STK24: variants seen among roughly 807,000 people sequenced by gnomAD.
STK24 encodes the protein serine/threonine kinase 24.
STK24 carries 21 observed loss-of-function variants against 55.6 expected under a neutral mutation model. That is an observed-to-expected ratio of 0.38 (90% CI 0.27 to 0.54). The LOEUF (loss-of-function observed/expected upper bound fraction) is 0.54, where lower values mean the gene tolerates loss of function less well. Ranked by LOEUF, STK24 falls within the 20% of genes least tolerant of loss-of-function variation. STK24 has a pLI of 0.79. For missense variants in STK24, 383 were observed against 538.4 expected (o/e 0.71, Z 2.86); for synonymous variants, 200 against 215.2 (o/e 0.93, Z 0.62).
chr13:98,530,795 T>C (rs1896560715), intron 1 of STK24, among the ~76,000 whole-genome samples: 1 of 152,058 alleles, frequency 6.6e-6, no homozygotes, highest in Admixed American at 6.6e-5. Flanking sequence ...TTCACCAGAG[T>C]TGGCATAGAA....
At chr13:98,503,682 C>A (rs1330420335) in intron 2 of STK24, among the ~76,000 whole-genome samples, 4 of 152,206 alleles carry the variant, frequency 2.6e-5, no homozygotes, top group Non-Finnish European at 5.9e-5. Flanking sequence ...AAGGGCACTG[C>A]TTCCAAGTGT....
At chr13:98,485,043 G>T (rs1356815971) in intron 2 of STK24, among the ~76,000 whole-genome samples, 1 of 152,148 alleles carries the variant, frequency 6.6e-6, no homozygotes, top group Non-Finnish European at 1.5e-5. Context: ...CAACAACCAG[G>T]GGGTGGGATA....
chr13:98,495,247 C>T (rs1419820484), intron 2 of STK24, among the ~76,000 whole-genome samples: 2 of 152,180 alleles, frequency 1.3e-5, no homozygotes, highest in Non-Finnish European at 2.9e-5. Flanking sequence ...GGAAATAAGT[C>T]TCCTTTTATT....
intron 1 of STK24, among the ~76,000 whole-genome samples, chr13:98,557,264 T>G (rs1481704318): frequency 6.6e-6 from 1 of 152,220 alleles, no homozygotes; most frequent in East Asian, 1.9e-4. Flanking sequence ...GCCTGAACTC[T>G]TCCACCAGCT....
At chr13:98,468,779 T>C (rs558676693) in intron 5 of STK24, among the ~76,000 whole-genome samples, 22 of 152,362 alleles carry the variant, frequency 1.4e-4, no homozygotes, top group African/African-American at 5.1e-4. Context: ...TGTGTAACAA[T>C]CAAATCCGGG....
chr13:98,548,861 CAA>C (rs55793722), intron 1 of STK24, among the ~76,000 whole-genome samples: 68 of 37,792 alleles, frequency 1.8e-3, no homozygotes, highest in African/African-American at 5.6e-3. Context: ...GACTCTGTCT[CAA>C]AAAAAAAAAA....
chr13:98,469,459 G>C (rs1894053020), intron 5 of STK24, among the ~76,000 whole-genome samples: 1 of 151,744 alleles, frequency 6.6e-6, no homozygotes, highest in South Asian at 2.1e-4. Context: ...TGAGGCAGGA[G>C]AATCATTTGA....
At chr13:98,486,098 C>T (rs1450981531) in intron 2 of STK24, among the ~76,000 whole-genome samples, 2 of 151,946 alleles carry the variant, frequency 1.3e-5, no homozygotes, top group Non-Finnish European at 2.9e-5. Flanking sequence ...GGAGAAATAC[C>T]CAATGTAGAT....
rs1426678529 is a variant in STK24 at position 98,447,934 on chromosome 13, T to C, written c.*5239A>G. On this transcript the variant is annotated 3_prime_UTR_variant, in exon 11 of 11. Coordinates refer to ENST00000539966, the MANE Select transcript of STK24 (RefSeq NM_001032296.4). ...CCATTCTCTGCCATGTCCATGAAAATAGGAGGTAGCGTTCTCCCCAGCAAC... is the reference window on the plus strand; with the variant it reads ...CCATTCTCTGCCATGTCCATGAAAACAGGAGGTAGCGTTCTCCCCAGCAAC... 14 of 422,224 alleles carry C rather than the reference T, an allele frequency of 3.3e-5. No individual in the cohort carries two copies. The highest frequency in any genetic ancestry group is 6.3e-4 in the Middle Eastern group (1 of 1,592). 26.2% of individuals were successfully genotyped at this position (422,224 alleles called of 1,614,324 possible). A position where few individuals can be genotyped will look rare whatever the true frequency, so the allele number is the denominator to read the frequency against.
chr13:98,572,640 G>A (rs1383561136), intron 1 of STK24, among the ~76,000 whole-genome samples: 1 of 152,154 alleles, frequency 6.6e-6, no homozygotes, highest in East Asian at 1.9e-4. Context: ...TGATGCAAGG[G>A]GCATTCTCAG....
At chr13:98,520,571 G>C (rs1215149006) in intron 1 of STK24, among the ~76,000 whole-genome samples, 2 of 152,248 alleles carry the variant, frequency 1.3e-5, no homozygotes, top group Non-Finnish European at 2.9e-5. Flanking sequence ...GGAGAAGAAA[G>C]ATGACACAGA....
rs545893044 is a variant in STK24, at chr13:98,571,761, T to C, written c.42+4984A>G. ...TCATAAAGCAAGAGGAGTAATGAGA[T>C]ACTATAAAATGTTCACTGAGAGTTC... On this transcript the variant is annotated intron_variant, in intron 1 of 10. Coordinates refer to ENST00000539966, the MANE Select transcript of STK24 (RefSeq NM_001032296.4). 9.6e-4 allele frequency among the ~76,000 whole-genome samples: 146 copies of C among 152,264 alleles called. 2 individuals are homozygous for C. In the South Asian group the frequency reaches 0.016, roughly 16 times the overall value.
At chr13:98,575,946 T>C in intron 1 of STK24, 1 of 750,920 alleles carries the variant, frequency 1.3e-6, no homozygotes, top group South Asian at 6.0e-5. Flanking sequence ...ATTCAACTCC[T>C]CTCCCACTCC....
intron 7 of STK24, among the ~76,000 whole-genome samples, chr13:98,463,123 C>G (rs994245275): frequency 2.6e-5 from 4 of 152,132 alleles, no homozygotes; most frequent in African/African-American, 9.7e-5. Flanking sequence ...AAGGCATGCA[C>G]GAGAACAGAC....
In STK24 at chr13:98,448,230, T is replaced by C. The variant is rs776717886; in HGVS notation, c.*4943A>G. 4 of 1,613,320 alleles carry C rather than the reference T, an allele frequency of 2.5e-6. No homozygotes were observed. The Admixed American group carries it at 6.7e-5, about 27-fold the overall frequency. On this transcript the variant is annotated 3_prime_UTR_variant, in exon 11 of 11. Coordinates refer to ENST00000539966, the MANE Select transcript of STK24 (RefSeq NM_001032296.4). ...AGGTTGACTAACTGGCGTTCCCGTG[T>C]TGCAGGTGGATGGAAGTGATCCGCA...
In STK24 at chr13:98,516,849, G is replaced by A. The variant is rs114479035; in HGVS notation, c.273+2394C>T. On this transcript the variant is annotated intron_variant, in intron 2 of 10. Coordinates refer to ENST00000539966, the MANE Select transcript of STK24 (RefSeq NM_001032296.4). ...TAAGGAGTTTACTACGGCAGTTGAC[G>A]TTACAATAACTAAACAAAATACCGG... Among the ~76,000 whole-genome samples, 500 of 152,304 alleles carry A rather than the reference G, an allele frequency of 3.3e-3. 5 individuals are homozygous for A. The highest frequency in any genetic ancestry group is 0.011 in the African/African-American group (473 of 41,552).
At chr13:98,468,495 A>T (rs1429773445) in intron 5 of STK24, among the ~76,000 whole-genome samples, 1 of 152,190 alleles carries the variant, frequency 6.6e-6, no homozygotes, top group East Asian at 1.9e-4. Flanking sequence ...GGAGGACAGG[A>T]GTGAGCAGGC....
In STK24 at chr13:98,477,598, C is replaced by A. The variant is rs1894425073; in HGVS notation, c.331-2240G>T. On this transcript the variant is annotated intron_variant, in intron 3 of 10. Transcript: ENST00000539966. ...GCTGAGGCAGGAGAATCGCTTGAAC[C>A]CAGGAGGCAGAGGTTGCAATGAGCC... is the stretch of plus-strand genomic sequence containing the variant. Among the ~76,000 whole-genome samples the A allele has an allele frequency of 2.6e-5, 4 of 151,774 alleles. No homozygotes were observed. The South Asian group carries it at 8.3e-4, about 32-fold the overall frequency.
At chr13:98,529,171 T>G (rs1896512193) in intron 1 of STK24, among the ~76,000 whole-genome samples, 2 of 151,946 alleles carry the variant, frequency 1.3e-5, no homozygotes, top group East Asian at 1.9e-4. Flanking sequence ...CGTCTCCCTC[T>G]CCCCAGGCCC....
Sources: gnomAD v4.1 joint callset for allele counts (sites outside exome capture counted in the v4.1 genomes callset) on GRCh38, gnomAD v4.1.1 for gene constraint, MANE v1.5 for transcripts, NCBI Gene and HGNC (gene_info 2026-07-23, HGNC 2026-07-21) for gene names.